GLIS1: variants seen among roughly 807,000 people sequenced by gnomAD.
GLIS1 encodes GLIS family zinc finger 1, also known as zinc finger protein GLIS1.
GLIS1 carries 24 observed loss-of-function variants against 63.8 expected under a neutral mutation model. The observed-to-expected ratio is 0.38, with a 90% CI of 0.27 to 0.53. GLIS1 has a LOEUF of 0.53. Among genes scored for constraint, GLIS1 ranks in the 20% least tolerant of loss-of-function variants. GLIS1 has a pLI of 0.85. For synonymous variants in GLIS1, 450 were observed against 482.5 expected (o/e 0.93, Z 0.88); for missense variants, 1,036 against 1,074.1 (o/e 0.96, Z 0.50).
intron 2 of GLIS1, among the ~76,000 whole-genome samples, chr1:53,643,612 C>G (rs1012960540): frequency 5.9e-5 from 9 of 152,202 alleles, no homozygotes; most frequent in Non-Finnish European, 1.0e-4. Flanking sequence ...TAGCTTCAAG[C>G]TGTGGCTTAC....
chr1:53,665,430 G>C (rs1646080776), intron 2 of GLIS1, among the ~76,000 whole-genome samples: 1 of 152,194 alleles, frequency 6.6e-6, no homozygotes, highest in South Asian at 2.1e-4. Context: ...CAAAATGGAA[G>C]TATCAATTTT....
At chr1:53,697,482 G>A (rs534942034) in intron 2 of GLIS1, among the ~76,000 whole-genome samples, 1 of 152,300 alleles carries the variant, frequency 6.6e-6, no homozygotes, top group East Asian at 1.9e-4. Flanking sequence ...GGGGGCCACT[G>A]TCTGTTCTGG....
At chr1:53,549,100 C>CG (rs1557444302) in intron 4 of GLIS1, among the ~76,000 whole-genome samples, 1 of 152,216 alleles carries the variant, frequency 6.6e-6, no homozygotes, top group Non-Finnish European at 1.5e-5. Context: ...TCCATGCTGT[C>CG]ACATGTGTCG....
intron 2 of GLIS1, among the ~76,000 whole-genome samples, chr1:53,703,246 T>C (rs1020143833): frequency 1.3e-5 from 2 of 152,178 alleles, no homozygotes; most frequent in Non-Finnish European, 2.9e-5. Flanking sequence ...ACTATTATTA[T>C]CTCTATTTCA....
chr1:53,693,675 G>A (rs1205415638), intron 2 of GLIS1, among the ~76,000 whole-genome samples: 2 of 151,934 alleles, frequency 1.3e-5, no homozygotes, highest in East Asian at 3.9e-4. Flanking sequence ...CCAAGGGTGT[G>A]GGCATCATAA....
At chr1:53,657,597 C>T (rs1405480) in intron 2 of GLIS1, among the ~76,000 whole-genome samples, 128,313 of 151,604 alleles carry the variant, frequency 0.85, 55,499 homozygotes, top group East Asian at 0.93. Context: ...CCCTGCCGGA[C>T]GCATCCACAA....
intron 4 of GLIS1, among the ~76,000 whole-genome samples, chr1:53,593,405 C>T (rs555248934): frequency 2.4e-4 from 36 of 152,334 alleles, no homozygotes; most frequent in Non-Finnish European, 4.1e-4. Flanking sequence ...GGGCTGGAGG[C>T]CTGAGTACTC....
chr1:53,660,872 G>T (rs1018092638), intron 2 of GLIS1, among the ~76,000 whole-genome samples: 2 of 152,140 alleles, frequency 1.3e-5, no homozygotes, highest in Admixed American at 6.5e-5. Context: ...CCCACCAGCC[G>T]AGCTGACTCT....
At chr1:53,731,577 GCT>G (rs1212377221) in intron 2 of GLIS1, among the ~76,000 whole-genome samples, 1 of 152,194 alleles carries the variant, frequency 6.6e-6, no homozygotes, top group Non-Finnish European at 1.5e-5. Flanking sequence ...CAAATTCCAG[GCT>G]CTGTTGCTTA....
chr1:53,580,523 C>A (rs539965395), intron 4 of GLIS1, among the ~76,000 whole-genome samples: 6 of 152,146 alleles, frequency 3.9e-5, no homozygotes, highest in Non-Finnish European at 8.8e-5. Flanking sequence ...AATTAAGAGG[C>A]CTGGTCAGGG....
chr1:53,522,986 C>CTTTTTCTTTTTTTTTTTTTTTTTTTTTTT (rs760283252), intron 6 of GLIS1, among the ~76,000 whole-genome samples: 3 of 43,690 alleles, frequency 6.9e-5, no homozygotes, highest in African/African-American at 1.3e-4. Flanking sequence ...TCTTTTCTTT[C>CTTTTTCTTTTTTTTTTTTTTTTTTTTTTT]TTTTTTTTTT....
intron 2 of GLIS1, chr1:53,733,995 C>T: frequency 1.0e-6 from 1 of 985,230 alleles, no homozygotes; most frequent in Non-Finnish European, 1.2e-6. Context: ...CAGGTGGTAC[C>T]ACCAAAACAT....
At position 53,539,556 on chromosome 1, in the gene GLIS1, A is replaced by C. The variant is rs1243482479; in HGVS notation, c.1321-9604T>G. Among the ~76,000 whole-genome samples, 6 of 143,220 alleles carry C rather than the reference A, an allele frequency of 4.2e-5. No individual in the cohort carries two copies. Among genetic ancestry groups the C allele is most frequent in the African/African-American group, 1.0e-4 (4 of 38,258 alleles). 94.0% of individuals were successfully genotyped at this position (143,220 alleles called of 152,430 possible). On this transcript the variant is annotated intron_variant, in intron 4 of 10. Coordinates refer to ENST00000628545, the MANE Select transcript of GLIS1 (RefSeq NM_001367484.1). The surrounding 1 kb of genome is among the most constrained non-coding windows in gnomAD (Gnocchi z 5.0). ...TACCACACGGTATACACCCCCCCAC[A>C]CACACTACACATCATACACATAAAC... is the stretch of plus-strand genomic sequence containing the variant.
At chr1:53,719,689 G>C (rs1646734131) in intron 2 of GLIS1, among the ~76,000 whole-genome samples, 1 of 152,068 alleles carries the variant, frequency 6.6e-6, no homozygotes, top group Non-Finnish European at 1.5e-5. Context: ...AGATGGGGGT[G>C]GAGTGGGAGT....
intron 2 of GLIS1, among the ~76,000 whole-genome samples, chr1:53,662,878 G>A (rs545096242): frequency 3.3e-4 from 51 of 152,256 alleles, no homozygotes; most frequent in African/African-American, 1.2e-3. Flanking sequence ...CCATCTCCCC[G>A]GCGCTATAAA....
intron 2 of GLIS1, among the ~76,000 whole-genome samples, chr1:53,730,364 G>C (rs1646848362): frequency 6.6e-6 from 1 of 152,074 alleles, no homozygotes; most frequent in African/African-American, 2.4e-5. Context: ...CTTCTACTAG[G>C]TATTAAATAC....
rs77290968 is a variant in GLIS1 at position 53,599,644 on chromosome 1, G to A, written c.437+457C>T. On this transcript the variant is annotated intron_variant, in intron 3 of 10. Transcript: ENST00000628545. ...GCGTCAGCCCAGTGCACACCCTAAT[G>A]AGACAGGGTGGCCGGCACTGGAAGT... Among the ~76,000 whole-genome samples the A allele has an allele frequency of 4.9e-3, 745 of 152,388 alleles. 3 individuals carry two copies. Among genetic ancestry groups the A allele is most frequent in the African/African-American group, 0.017 (724 of 41,598 alleles).
rs1174378863 is a variant in GLIS1, at chr1:53,643,514, T to C, written c.260-43236A>G. Among the ~76,000 whole-genome samples the C allele has an allele frequency of 2.6e-5, 4 of 152,098 alleles. No individual in the cohort carries two copies. The East Asian group carries it at 7.7e-4, about 29-fold the overall frequency. On this transcript the variant is annotated intron_variant, in intron 2 of 10. Transcript: ENST00000628545. The stretch of plus-strand genomic sequence containing the variant: ...AGCTATGTGTCCATCTGGGCCTCAG[T>C]CTCCCCACCTGTACAATGACCATGG...
At chr1:53,521,630 C>T (rs1311839299) in intron 6 of GLIS1, among the ~76,000 whole-genome samples, 4 of 152,160 alleles carry the variant, frequency 2.6e-5, no homozygotes, top group African/African-American at 4.8e-5. Flanking sequence ...TCCAGCTGGC[C>T]GAGCCCCATC....
Sources: allele counts gnomAD v4.1 joint callset (sites outside exome capture counted in the v4.1 genomes callset), GRCh38; gene constraint gnomAD v4.1.1; non-coding constraint Gnocchi (gnomAD v3.1); transcripts MANE v1.5; gene names NCBI Gene and HGNC (gene_info 2026-07-23, HGNC 2026-07-21).